NID2: variants seen among roughly 807,000 people sequenced by gnomAD.
The protein encoded by NID2 is nidogen 2.
In NID2, 83 loss-of-function variants were observed where a neutral mutation model predicts 145.4. The ratio of observed to expected loss-of-function variants is 0.57; its 90% CI spans 0.48 to 0.69. NID2 has a LOEUF of 0.69. Among genes scored for constraint, NID2 ranks in the 30% least tolerant of loss-of-function variants. NID2 has a pLI of 0.00. For missense variants in NID2, 1,807 were observed against 1,765.7 expected (o/e 1.02, Z -0.42); for synonymous variants, 739 against 701.3 (o/e 1.05, Z -0.85).
intron 19 of NID2, 48 bp downstream of exon 19, chr14:52,007,762 T>A: frequency 6.7e-7 from 1 of 1,500,452 alleles, no homozygotes; most frequent in Non-Finnish European, 9.2e-7. Flanking sequence ...AGTGCTCACA[T>A]TCACTGTGAT....
chr14:52,024,159 G>A (rs1463861123), intron 12 of NID2, among the ~76,000 whole-genome samples: 4 of 152,124 alleles, frequency 2.6e-5, no homozygotes, highest in Non-Finnish European at 4.4e-5. Flanking sequence ...CAACTACATG[G>A]TAAGTGGCTG....
At position 52,005,483 on chromosome 14, in the gene NID2, T is replaced by C; in HGVS notation, c.*3A>G. 1 of 1,597,484 alleles carries C rather than the reference T, an allele frequency of 6.3e-7. No individual in the cohort carries two copies. Among genetic ancestry groups the C allele is most frequent in the Non-Finnish European group, 8.5e-7 (1 of 1,173,800 alleles). ...CTCCAAGTCTTCCTTTACATTACTG[T>C]ACTTACTTTCTTCCTGTGAGAGAAG... is the stretch of plus-strand genomic sequence containing the variant. On this transcript the variant is annotated 3_prime_UTR_variant, in exon 22 of 22. Coordinates refer to ENST00000216286, the MANE Select transcript of NID2 (RefSeq NM_007361.4).
At chr14:52,023,905 G>C (rs1047740521) in intron 12 of NID2, among the ~76,000 whole-genome samples, 1 of 152,164 alleles carries the variant, frequency 6.6e-6, no homozygotes, top group African/African-American at 2.4e-5. Flanking sequence ...CTTATTGTTA[G>C]TTTGATGGAG....
In NID2 at chr14:52,005,489, CT is replaced by C; in HGVS notation, c.4124del (p.Lys1375SerfsTer36). The C allele has an allele frequency of 6.3e-7, 1 of 1,597,988 alleles. No individual in the cohort carries two copies. Among genetic ancestry groups the C allele is most frequent in the Admixed American group, 1.8e-5 (1 of 56,636 alleles). ...AVYPYCPTGR[K>X] ...GTCTTCCTTTACATTACTGTACTTA[CT>C]TTCTTCCTGTGAGAGAAGAGCAGGG... is the stretch of plus-strand genomic sequence containing the variant. On this transcript the variant is annotated frameshift_variant, in exon 22 of 22. Coordinates refer to ENST00000216286, the MANE Select transcript of NID2 (RefSeq NM_007361.4). LOFTEE classifies it high-confidence loss of function.
chr14:52,064,401 G>T (rs1194105303), intron 2 of NID2, among the ~76,000 whole-genome samples: 1 of 152,222 alleles, frequency 6.6e-6, no homozygotes, highest in African/African-American at 2.4e-5. Context: ...CAGAGTGCCA[G>T]GGTACTTACG....
At chr14:52,032,497 C>T (rs1253907408) in intron 9 of NID2, among the ~76,000 whole-genome samples, 1 of 152,136 alleles carries the variant, frequency 6.6e-6, no homozygotes, top group Non-Finnish European at 1.5e-5. Context: ...AGACCAGGTT[C>T]CTGAGTCAGT....
chr14:52,009,859 T>C (rs1890938833), intron 18 of NID2: 1 of 152,342 alleles, frequency 6.6e-6, no homozygotes, highest in Non-Finnish European at 1.5e-5. Flanking sequence ...TGGTGGCACA[T>C]GCCTGTAGTC....
rs759841706 is a variant in NID2 at position 52,038,798 on chromosome 14, C to A, written c.2206G>T (p.Glu736Ter). 6.2e-7 allele frequency: 1 copy of A among 1,610,038 alleles called. No individual in the cohort carries two copies. The highest frequency in any genetic ancestry group is 1.7e-5 in the Admixed American group (1 of 59,122). ...VDRVFALYNDEERVLRFAVTN... is the reference protein window; with the variant it reads ...VDRVFALYND Reference sequence around the variant, plus strand: ...ACAGCAAATCTAAGCACTCTTTCTTCGTCATTATACAAGGCAAAGACCCGG... The same window carrying A: ...ACAGCAAATCTAAGCACTCTTTCTTAGTCATTATACAAGGCAAAGACCCGG... The change falls in exon 9 of 22, where the codon GAA (glutamate) becomes TAA (stop). Residue 736 changes from glutamate to a stop codon, truncating the protein, a stop_gained. Coordinates refer to ENST00000216286, the MANE Select transcript of NID2 (RefSeq NM_007361.4). LOFTEE classifies it high-confidence loss of function.
intron 2 of NID2, among the ~76,000 whole-genome samples, chr14:52,063,294 C>T (rs573115484): frequency 3.2e-4 from 49 of 152,188 alleles, no homozygotes; most frequent in Non-Finnish European, 6.5e-4. Flanking sequence ...TTCCCAGCTC[C>T]CCCAGGATCC....
chr14:52,052,010 C>G (rs1007629688), intron 5 of NID2, among the ~76,000 whole-genome samples: 2 of 152,130 alleles, frequency 1.3e-5, no homozygotes, highest in Non-Finnish European at 2.9e-5. Flanking sequence ...TACATGACTC[C>G]ATAGATCTGC....
intron 5 of NID2, among the ~76,000 whole-genome samples, chr14:52,044,117 C>T (rs910667895): frequency 3.3e-5 from 5 of 152,010 alleles, no homozygotes; most frequent in Non-Finnish European, 5.9e-5. Context: ...ACCCAGTATT[C>T]CCAGGGAGAA....
intron 12 of NID2, among the ~76,000 whole-genome samples, chr14:52,021,364 G>T (rs1254484160): frequency 6.6e-6 from 1 of 152,170 alleles, no homozygotes; most frequent in Non-Finnish European, 1.5e-5. Context: ...ATGTGAATGG[G>T]TTGGGAACAG....
chr14:52,051,138 A>G lies in NID2; in HGVS notation c.1429+2441T>C, dbSNP rs561258251. Among the ~76,000 whole-genome samples, 11 of 152,102 alleles carry G rather than the reference A, an allele frequency of 7.2e-5. No homozygotes were observed. In the South Asian group the frequency reaches 2.1e-3, roughly 29 times the overall value. ...CCTGCCTGGTGTAGATATGATCTGA[A>G]AATCTAAATTTCTGAACAAAAAGAA... On this transcript the variant is annotated intron_variant, in intron 5 of 21. Coordinates refer to ENST00000216286, the MANE Select transcript of NID2 (RefSeq NM_007361.4).
intron 9 of NID2, among the ~76,000 whole-genome samples, chr14:52,035,637 TGAG>T (rs1892033217): frequency 6.7e-6 from 1 of 149,538 alleles, no homozygotes; most frequent in Non-Finnish European, 1.5e-5. Flanking sequence ...CTGTACCCGA[TGAG>T]AATGGTTTTA....
intron 20 of NID2, chr14:52,006,179 C>A: frequency 1.5e-5 from 6 of 399,338 alleles, no homozygotes; most frequent in Non-Finnish European, 2.8e-5. Context: ...TCCACAGTGT[C>A]AAAAGCCAAC....
intron 2 of NID2, among the ~76,000 whole-genome samples, chr14:52,062,986 T>G (rs983650409): frequency 2.6e-5 from 4 of 152,224 alleles, no homozygotes; most frequent in Admixed American, 2.0e-4. Flanking sequence ...TCCTTTTAAG[T>G]AGAATTTATG....
At chr14:52,008,820 A>G (rs1391897705) in intron 18 of NID2, 4 of 152,240 alleles carry the variant, frequency 2.6e-5, no homozygotes, top group East Asian at 1.9e-4. Flanking sequence ...TCTTCTGCCA[A>G]AAATACAATT....
Position 52,060,375 on chromosome 14 carries a change from AAAAAGAG to A in NID2, c.535-26_535-20del. ...TGTTCAGCTGTGAGGAAAAAAAAAA[AAAAAGAG>A]AGAGAGAGAGAGAGAAACATCCTGT... On this transcript the variant is annotated intron_variant, in intron 2 of 21. Transcript: ENST00000216286. 2.4e-6 allele frequency: 3 copies of A among 1,245,274 alleles called. No homozygotes were observed. The highest frequency in any genetic ancestry group is 3.5e-5 in the South Asian group (2 of 56,706). 77.1% of individuals were successfully genotyped at this position (1,245,274 alleles called of 1,614,324 possible).
In NID2 at chr14:52,040,672, G is replaced by T; in HGVS notation, c.2005C>A (p.Leu669Met). Residue 669 changes from leucine to methionine, a missense_variant, in exon 8 of 22, where the codon CTG becomes ATG. Physicochemically the swap from Leu to Met is conservative, Grantham distance 15. Coordinates refer to ENST00000216286, the MANE Select transcript of NID2 (RefSeq NM_007361.4). ...FTAHISPYKE[L>M]YHYSDSTVTS... ...ATACTGGAGTCGGAGTAGTGGTACA[G>T]CTCCTTGTAGGGAGAGATGTGGGCT... 6.2e-7 allele frequency: 1 copy of T among 1,614,032 alleles called. No individual in the cohort carries two copies. Among genetic ancestry groups the T allele is most frequent in the Non-Finnish European group, 8.5e-7 (1 of 1,179,910 alleles).
Sources: gnomAD v4.1 joint callset for allele counts (sites outside exome capture counted in the v4.1 genomes callset) on GRCh38, gnomAD v4.1.1 for gene constraint, MANE v1.5 for transcripts, NCBI Gene and HGNC (gene_info 2026-07-23, HGNC 2026-07-21) for gene names.